The following NOS1AP variants were observed in gnomAD, a reference collection of about 807,000 sequenced individuals.
The protein encoded by NOS1AP is nitric oxide synthase 1 adaptor protein.
In NOS1AP, 21 loss-of-function variants were observed where a neutral mutation model predicts 56.2. That is an observed-to-expected ratio of 0.37 (90% CI 0.26 to 0.54). NOS1AP has a LOEUF of 0.54. NOS1AP is among the 20% of genes least tolerant of loss of function. The pLI is 0.84. For synonymous variants in NOS1AP, 270 were observed against 274.6 expected, an observed-to-expected ratio of 0.98 and a Z score of 0.17; for missense variants, 522 against 657.8, an observed-to-expected ratio of 0.79 and a Z score of 2.26.
intron 3 of NOS1AP, among the ~76,000 whole-genome samples, chr1:162,297,488 A>G (rs1184288899): frequency 6.6e-6 from 1 of 152,160 alleles, no homozygotes; most frequent in Non-Finnish European, 1.5e-5. Flanking sequence ...TCCCTGTGCC[A>G]GGCCTGAGAC....
At chr1:162,251,566 CTG>C (rs1327148195) in intron 2 of NOS1AP, among the ~76,000 whole-genome samples, 2 of 151,680 alleles carry the variant, frequency 1.3e-5, no homozygotes, top group Non-Finnish European at 2.9e-5. Context: ...AAGCTCCAAT[CTG>C]TCTCTTCAGG....
chr1:162,142,798 C>T (rs1023592397), intron 1 of NOS1AP, among the ~76,000 whole-genome samples: 1 of 152,094 alleles, frequency 6.6e-6, no homozygotes, highest in African/African-American at 2.4e-5. Flanking sequence ...GTAACTTACA[C>T]GTTAAGTGAT....
intron 2 of NOS1AP, among the ~76,000 whole-genome samples, chr1:162,173,898 G>T (rs1236327893): frequency 2.0e-5 from 3 of 152,294 alleles, no homozygotes; most frequent in Admixed American, 1.3e-4. Context: ...TCATTAAAAA[G>T]TCAGGAAACA....
At chr1:162,111,752 G>A (rs1647718583) in intron 1 of NOS1AP, among the ~76,000 whole-genome samples, 1 of 152,206 alleles carries the variant, frequency 6.6e-6, no homozygotes, top group Admixed American at 6.5e-5. Context: ...AAATGGAATA[G>A]ATGTCTTGGA....
intron 4 of NOS1AP, among the ~76,000 whole-genome samples, chr1:162,309,941 G>A (rs1428280482): frequency 1.3e-5 from 2 of 152,118 alleles, no homozygotes; most frequent in Non-Finnish European, 2.9e-5. Context: ...TCATAATTAT[G>A]AGATAAGGGA....
intron 2 of NOS1AP, among the ~76,000 whole-genome samples, chr1:162,204,959 A>G (rs12097193): frequency 0.12 from 18,539 of 152,138 alleles, 1,248 homozygotes; most frequent in South Asian, 0.2. Context: ...GCTGAATTGG[A>G]TAAGAAGATA....
intron 2 of NOS1AP, among the ~76,000 whole-genome samples, chr1:162,285,805 T>C (rs1655071493): frequency 6.6e-6 from 1 of 151,948 alleles, no homozygotes; most frequent in African/African-American, 2.4e-5. Flanking sequence ...GCTGACAGGG[T>C]AGAGTGGAGG....
At chr1:162,136,341 T>C (rs956186161) in intron 1 of NOS1AP, among the ~76,000 whole-genome samples, 3 of 152,198 alleles carry the variant, frequency 2.0e-5, no homozygotes, top group African/African-American at 7.2e-5. Context: ...AGATCTAGGC[T>C]CATGATCCTC....
chr1:162,113,928 AC>A (rs1647814613), intron 1 of NOS1AP, among the ~76,000 whole-genome samples: 1 of 151,870 alleles, frequency 6.6e-6, no homozygotes, highest in Non-Finnish European at 1.5e-5. Flanking sequence ...AAAAAAAAAA[AC>A]AATTTTATGA....
At chr1:162,360,851 A>G (rs1657875953) in intron 8 of NOS1AP, 1 of 456,486 alleles carries the variant, frequency 2.2e-6, no homozygotes, top group African/African-American at 2.0e-5. Flanking sequence ...CTCCACTGCC[A>G]TTTCCATGTG....
At chr1:162,261,666 G>T (rs1324147599) in intron 2 of NOS1AP, among the ~76,000 whole-genome samples, 1 of 152,112 alleles carries the variant, frequency 6.6e-6, no homozygotes, top group Non-Finnish European at 1.5e-5. Context: ...AAAAGTGAAG[G>T]AAATGGATTC....
intron 1 of NOS1AP, among the ~76,000 whole-genome samples, chr1:162,136,396 C>G (rs1649005672): frequency 6.6e-6 from 1 of 152,108 alleles, no homozygotes; most frequent in African/African-American, 2.4e-5. Context: ...CTTTGAATAC[C>G]TACCATGTAT....
At chr1:162,117,797 A>G (rs1648028486) in intron 1 of NOS1AP, among the ~76,000 whole-genome samples, 1 of 152,220 alleles carries the variant, frequency 6.6e-6, no homozygotes. Flanking sequence ...GGCACGGTAC[A>G]GGAAAAGGTG....
intron 9 of NOS1AP, among the ~76,000 whole-genome samples, chr1:162,366,080 C>T (rs1260308799): frequency 1.3e-5 from 2 of 152,182 alleles, no homozygotes; most frequent in African/African-American, 4.8e-5. Context: ...AATCTGGCTG[C>T]ACTGCTCTGC....
chr1:162,294,224 G>GAAGGAAGGAAGGAAGGAAGGAAGA (rs1297513880), intron 3 of NOS1AP, among the ~76,000 whole-genome samples: 16 of 149,852 alleles, frequency 1.1e-4, no homozygotes, highest in African/African-American at 3.7e-4. Context: ...AGGAAGGAAG[G>GAAGGAAGGAAGGAAGGAAGGAAGA]AAGAAAGAAA....
chr1:162,300,598 G>A (rs1655617572), intron 3 of NOS1AP, 35 bp from the exon 4 acceptor site: 1 of 1,580,044 alleles, frequency 6.3e-7, no homozygotes, highest in Non-Finnish European at 8.7e-7. Context: ...CCCTGGTCCT[G>A]TAACTGAGGA....
At chr1:162,139,281 G>A (rs1201591283) in intron 1 of NOS1AP, among the ~76,000 whole-genome samples, 1 of 152,032 alleles carries the variant, frequency 6.6e-6, no homozygotes, top group Non-Finnish European at 1.5e-5. Context: ...CTGAAGGATT[G>A]CAGGGGTCTC....
chr1:162,261,287 A>T lies in NOS1AP; in HGVS notation c.178-26057A>T, dbSNP rs148969311. On this transcript the variant is annotated intron_variant, in intron 2 of 9. Transcript: ENST00000361897. Reference sequence around the variant, plus strand: ...ATAACATTTAATTACAATATTTTATAACCTTTCATGTCCCCTTGTTCTTAA... The same window carrying T: ...ATAACATTTAATTACAATATTTTATTACCTTTCATGTCCCCTTGTTCTTAA... Among the ~76,000 whole-genome samples the T allele has an allele frequency of 1.9e-4, 26 of 137,984 alleles. 7 individuals are homozygous for T. The highest frequency in any genetic ancestry group is 7.4e-4 in the South Asian group (3 of 4,052). The allele number at this position is 137,984 out of a possible 152,430, so 90.5% of individuals were successfully genotyped here. A position where few individuals can be genotyped will look rare whatever the true frequency, so the allele number is the denominator to read the frequency against.
At chr1:162,347,679 G>A (rs1385235917) in intron 6 of NOS1AP, among the ~76,000 whole-genome samples, 5 of 152,180 alleles carry the variant, frequency 3.3e-5, no homozygotes, top group African/African-American at 1.2e-4. Context: ...CTGCTGGGTG[G>A]AGTGGGTTTG....
Sources: allele counts gnomAD v4.1 joint callset (sites outside exome capture counted in the v4.1 genomes callset), GRCh38; gene constraint gnomAD v4.1.1; transcripts MANE v1.5; gene names NCBI Gene and HGNC (gene_info 2026-07-23, HGNC 2026-07-21).